Variants in ZNF106 observed in about 807,000 individuals in gnomAD.
ZNF106 encodes zinc finger protein 106.
In ZNF106, 67 loss-of-function variants were observed where a neutral mutation model predicts 195.1. The ratio of observed to expected loss-of-function variants is 0.34; its 90% CI spans 0.28 to 0.42. The LOEUF is 0.42. ZNF106 is among the 10% of genes least tolerant of loss of function. The pLI, the probability that ZNF106 is intolerant of heterozygous loss-of-function variation, is 1.00. For missense variants in ZNF106, 2,118 were observed against 2,304.5 expected (o/e 0.92, Z 1.66); for synonymous variants, 784 against 818.6 (o/e 0.96, Z 0.72).
Position 42,482,781 on chromosome 15 carries a change from G to A in ZNF106, c.-33+8199C>T, listed in dbSNP as rs543404169. Among the ~76,000 whole-genome samples the A allele has an allele frequency of 3.3e-5, 5 of 152,042 alleles. No homozygotes were observed. In the East Asian group the frequency reaches 7.7e-4, roughly 24 times the overall value. On this transcript the variant is annotated intron_variant, in intron 1 of 21. Coordinates refer to ENST00000564754, the MANE Select transcript of ZNF106 (RefSeq NM_001366845.3). ...CCTGACCTTGTGATCCACCCACCTC[G>A]ACCTCCCAAAGTGCTAGGATTACAG...
Position 42,437,349 on chromosome 15 carries a change from A to C in ZNF106, c.4629T>G (p.Asp1543Glu). The change falls in exon 13 of 22, where the codon GAT (aspartate) becomes GAG (glutamate). Residue 1543 changes from aspartate (D) to glutamate (E), a missense_variant. Coordinates refer to ENST00000564754, the MANE Select transcript of ZNF106 (RefSeq NM_001366845.3). ...SEISSEPGDD[D>E]EPTEGSFEGH... is the part of the protein sequence containing the mutation. ...CCTCAAAGCTTCCTTCTGTGGGTTC[A>C]TCATCATCTCCTGGCTCTGAAGATA... 1.2e-6 allele frequency: 2 copies of C among 1,614,066 alleles called. No individual in the cohort carries two copies. The highest frequency in any genetic ancestry group is 1.7e-6 in the Non-Finnish European group (2 of 1,180,016).
At chr15:42,434,507 A>T (rs2055196131) in intron 14 of ZNF106, among the ~76,000 whole-genome samples, 1 of 152,148 alleles carries the variant, frequency 6.6e-6, no homozygotes, top group African/African-American at 2.4e-5. Flanking sequence ...GTAAAATATA[A>T]GATCCTTGTC....
At chr15:42,486,282 CAG>C (rs1484639645) in intron 1 of ZNF106, among the ~76,000 whole-genome samples, 4 of 150,308 alleles carry the variant, frequency 2.7e-5, no homozygotes, top group African/African-American at 9.8e-5. Flanking sequence ...CTTCCAGAGA[CAG>C]GGGTTTGTTC....
chr15:42,417,661 A>AC, intron 21 of ZNF106, 144 bp downstream of exon 21: 3 of 972,256 alleles, frequency 3.1e-6, no homozygotes, highest in South Asian at 2.1e-5. Flanking sequence ...TCATTAAGCT[A>AC]CCCCCCAAAT....
chr15:42,420,589 GA>G (rs202121642), intron 20 of ZNF106, among the ~76,000 whole-genome samples: 7 of 150,522 alleles, frequency 4.7e-5, no homozygotes, highest in Non-Finnish European at 7.4e-5. Flanking sequence ...TAGAACTGAC[GA>G]AAAAAAAATT....
chr15:42,438,659 T>C lies in ZNF106; in HGVS notation c.4553A>G (p.Glu1518Gly). The change falls in exon 12 of 22, where the codon GAA (glutamate) becomes GGA (glycine). Residue 1518 changes from glutamate (E) to glycine (G), a missense_variant. Coordinates refer to ENST00000564754, the MANE Select transcript of ZNF106 (RefSeq NM_001366845.3). Reference sequence around the variant, plus strand: ...TATGGAGGAGATCACAGTCTGAGTTTCTGCCACACTACAAAATAATAGCAA... The same window carrying C: ...TATGGAGGAGATCACAGTCTGAGTTCCTGCCACACTACAAAATAATAGCAA... Reference protein sequence around the residue: ...YKDGIPVSVAETQTVISSIKG... With the variant: ...YKDGIPVSVAGTQTVISSIKG... 2 of 1,613,812 alleles carry C rather than the reference T, an allele frequency of 1.2e-6. No individual in the cohort carries two copies. Among genetic ancestry groups the C allele is most frequent in the Non-Finnish European group, 1.7e-6 (2 of 1,179,778 alleles).
intron 15 of ZNF106, 64 bp from the exon 16 acceptor site, chr15:42,425,089 C>G: frequency 1.3e-6 from 2 of 1,507,936 alleles, no homozygotes; most frequent in South Asian, 1.2e-5. Context: ...TAACCAACAT[C>G]ATTACCTTGG....
intron 10 of ZNF106, among the ~76,000 whole-genome samples, chr15:42,441,014 T>A (rs1298619152): frequency 3.5e-4 from 10 of 28,890 alleles, no homozygotes; most frequent in African/African-American, 2.7e-3. Flanking sequence ...TATATATATA[T>A]ATATATATAT....
Position 42,415,320 on chromosome 15 carries a change from C to G in ZNF106, c.*1984G>C. 1 of 395,176 alleles carries G rather than the reference C, an allele frequency of 2.5e-6. No individual in the cohort carries two copies. Among genetic ancestry groups the G allele is most frequent in the South Asian group, 1.9e-5 (1 of 53,388 alleles). The allele number at this position is 395,176 out of a possible 1,614,324, so 24.5% of individuals were successfully genotyped here. On this transcript the variant is annotated 3_prime_UTR_variant, in exon 22 of 22. Coordinates refer to ENST00000564754, the MANE Select transcript of ZNF106 (RefSeq NM_001366845.3). ...TATTTTTAATAGAGACGGGGTTTCA[C>G]TATGTTGGCCAGGCTGGTCTCAAAT...
chr15:42,473,520 TTC>T (rs2056723808), intron 1 of ZNF106, among the ~76,000 whole-genome samples: 1 of 152,206 alleles, frequency 6.6e-6, no homozygotes, highest in African/African-American at 2.4e-5. Flanking sequence ...GCCTGGAATA[TTC>T]TTCCTTAAAA....
chr15:42,482,189 C>T (rs1435896508), intron 1 of ZNF106, among the ~76,000 whole-genome samples: 1 of 152,168 alleles, frequency 6.6e-6, no homozygotes, highest in Non-Finnish European at 1.5e-5. Flanking sequence ...TTTATGAATA[C>T]ATTTTCCTTT....
intron 14 of ZNF106, among the ~76,000 whole-genome samples, chr15:42,432,247 T>C (rs1164488346): frequency 6.6e-6 from 1 of 151,560 alleles, no homozygotes; most frequent in Admixed American, 6.6e-5. Context: ...TAACCTCAAA[T>C]TCCTCAGCTC....
Position 42,424,329 on chromosome 15 carries a change from G to GTATAACCCACAGTATA in ZNF106, c.5191-270_5191-269insTATACTGTGGGTTATA, listed in dbSNP as rs1363732933. ...AGAAGGGCATTCGAGTATACCCACAGTATAACAAAATACACTCATTGTTTC... is the reference window on the plus strand; with the variant it reads ...AGAAGGGCATTCGAGTATACCCACAGTATAACCCACAGTATATATAACAAAATACACTCATTGTTTC... On this transcript the variant is annotated intron_variant, in intron 16 of 21. Transcript: ENST00000564754. 21 of 407,072 alleles carry GTATAACCCACAGTATA rather than the reference G, an allele frequency of 5.2e-5. No homozygotes were observed. The Admixed American group carries it at 8.5e-4, about 16-fold the overall frequency. The allele number at this position is 407,072 out of a possible 1,614,324, so 25.2% of individuals were successfully genotyped here.
chr15:42,418,501 G>T (rs2054535848), intron 20 of ZNF106, among the ~76,000 whole-genome samples: 1 of 149,088 alleles, frequency 6.7e-6, no homozygotes, highest in Non-Finnish European at 1.5e-5. Context: ...AAATAGTTGG[G>T]ATTACAGGCG....
At chr15:42,484,816 A>T (rs1026958122) in intron 1 of ZNF106, among the ~76,000 whole-genome samples, 2 of 152,180 alleles carry the variant, frequency 1.3e-5, no homozygotes, top group African/African-American at 4.8e-5. Flanking sequence ...TTCTGAACTA[A>T]AGAAAGCACA....
At chr15:42,442,480 G>T in intron 9 of ZNF106, 66 bp from the exon 10 acceptor site, 1 of 1,354,806 alleles carries the variant, frequency 7.4e-7, no homozygotes, top group Non-Finnish European at 1.0e-6. Flanking sequence ...TTGTGTCTGA[G>T]CTAATTTGTA....
rs2056007270 is a variant in ZNF106 at position 42,451,101 on chromosome 15, T to C, written c.1171A>G (p.Thr391Ala). 1.9e-6 allele frequency: 3 copies of C among 1,614,192 alleles called. No individual in the cohort carries two copies. The highest frequency in any genetic ancestry group is 2.7e-5 in the African/African-American group (2 of 75,040). The part of the protein sequence containing the change: ...LDLQSGLKDI[T>A]GNKSEMIEKP... ...TCTATCATTTCTGACTTGTTACCAG[T>C]GATGTCTTTCAATCCCGACTGTAAA... is the stretch of plus-strand genomic sequence containing the variant. Residue 391 changes from threonine to alanine, a missense_variant, in exon 5 of 22, where the codon ACT becomes GCT. Thr to Ala is a moderately conservative substitution (Grantham distance 58). Coordinates refer to ENST00000564754, the MANE Select transcript of ZNF106 (RefSeq NM_001366845.3).
chr15:42,417,474 G>T, intron 21 of ZNF106, 114 bp from the exon 22 acceptor site: 2 of 1,238,266 alleles, frequency 1.6e-6, no homozygotes, highest in Non-Finnish European at 2.3e-6. Context: ...GACAGGAAAG[G>T]CAGTTAGGAG....
rs2054321307 is a variant in ZNF106, at chr15:42,413,019, G to C, written c.*4285C>G. 1 of 152,170 alleles carries C rather than the reference G, an allele frequency of 6.6e-6. No individual in the cohort carries two copies. Among genetic ancestry groups the C allele is most frequent in the Admixed American group, 6.5e-5 (1 of 15,270 alleles). 9.4% of individuals were successfully genotyped at this position (152,170 alleles called of 1,614,324 possible). A position where few individuals can be genotyped will look rare whatever the true frequency, so the allele number is the denominator to read the frequency against. On this transcript the variant is annotated 3_prime_UTR_variant, in exon 22 of 22. Coordinates refer to ENST00000564754, the MANE Select transcript of ZNF106 (RefSeq NM_001366845.3). Reference sequence around the variant, plus strand: ...AAAATCAGAAACCAAGGGTGCTGGAGCAGCTCTAGGGCATATATTTCTCTT... The same window carrying C: ...AAAATCAGAAACCAAGGGTGCTGGACCAGCTCTAGGGCATATATTTCTCTT...
Sources: gnomAD v4.1 joint callset for allele counts (sites outside exome capture counted in the v4.1 genomes callset) on GRCh38, gnomAD v4.1.1 for gene constraint, MANE v1.5 for transcripts, NCBI Gene and HGNC (gene_info 2026-07-23, HGNC 2026-07-21) for gene names.